TRPC6: variants seen among roughly 807,000 people sequenced by gnomAD.
The protein encoded by TRPC6 is short transient receptor potential channel 6.
Under a neutral mutation model 90.7 loss-of-function variants are expected in TRPC6, and 55 were observed. That is an observed-to-expected ratio of 0.61 (90% CI 0.49 to 0.76). TRPC6 has a LOEUF of 0.76. TRPC6 is among the 30% of genes least tolerant of loss of function. The pLI is 0.00. For synonymous variants in TRPC6, 393 were observed against 393.0 expected (o/e 1.00, Z 0.00); for missense variants, 989 against 1,122.7 (o/e 0.88, Z 1.70).
At chr11:101,537,497 T>C (rs1009430878) in intron 1 of TRPC6, among the ~76,000 whole-genome samples, 7 of 152,170 alleles carry the variant, frequency 4.6e-5, no homozygotes, top group African/African-American at 1.7e-4. Flanking sequence ...ATTCTATAAG[T>C]AACTACATCT....
At chr11:101,521,948 A>C (rs1265505852) in intron 1 of TRPC6, among the ~76,000 whole-genome samples, 1 of 152,158 alleles carries the variant, frequency 6.6e-6, no homozygotes, top group Non-Finnish European at 1.5e-5. Flanking sequence ...GGAAGTAAGT[A>C]ACTTTTTGTT....
chr11:101,491,389 G>C lies in TRPC6; in HGVS notation c.1128+167C>G, dbSNP rs928275576. 23 of 764,112 alleles carry C rather than the reference G, an allele frequency of 3.0e-5. No individual in the cohort carries two copies. In the East Asian group the frequency reaches 3.1e-4, roughly 10 times the overall value. The allele number at this position is 764,112 out of a possible 1,614,324, so 47.3% of individuals were successfully genotyped here. ...GCGGAGCTTGCAGTGAGCCGAGATC[G>C]CACCACTGCACTCCAGACTGGGCGA... On this transcript the variant is annotated intron_variant, in intron 3 of 12. Coordinates refer to ENST00000344327, the MANE Select transcript of TRPC6 (RefSeq NM_004621.6).
chr11:101,486,139 A>G (rs1483072047), intron 4 of TRPC6, among the ~76,000 whole-genome samples: 3 of 152,120 alleles, frequency 2.0e-5, no homozygotes, highest in African/African-American at 7.2e-5. Context: ...CTGGTTGCCT[A>G]GAAACTAAAA....
chr11:101,453,777 T>C, intron 11 of TRPC6, 52 bp from the exon 12 acceptor site: 2 of 1,551,468 alleles, frequency 1.3e-6, no homozygotes, highest in South Asian at 2.2e-5. Context: ...TCATGACAAA[T>C]CTCTCATTTG....
Position 101,473,610 on chromosome 11 carries a change from C to T in TRPC6, c.1908G>A (p.Lys636=), listed in dbSNP as rs1859343803. The part of the protein sequence containing the change: ...SLGRTVKDIF[K]FMVIFIMVFV... ...ACACCATAATGAATATGACCATGAA[C>T]TTGAAGATGTCTTTGACTGTTCTTC... Residue 636 remains lysine (K), a synonymous_variant, in exon 7 of 13, where the codon AAG becomes AAA. Coordinates refer to ENST00000344327, the MANE Select transcript of TRPC6 (RefSeq NM_004621.6). 2.5e-6 allele frequency: 4 copies of T among 1,613,788 alleles called. No homozygotes were observed. Among genetic ancestry groups the T allele is most frequent in the African/African-American group, 2.7e-5 (2 of 75,024 alleles).
intron 1 of TRPC6, among the ~76,000 whole-genome samples, chr11:101,534,847 T>C (rs547632825): frequency 8.1e-4 from 124 of 152,290 alleles, no homozygotes; most frequent in African/African-American, 2.9e-3. Flanking sequence ...CATATAAACC[T>C]GCAAGATTTA....
intron 5 of TRPC6, among the ~76,000 whole-genome samples, chr11:101,478,707 G>A (rs1241872986): frequency 6.6e-6 from 1 of 152,112 alleles, no homozygotes; most frequent in South Asian, 2.1e-4. Context: ...CAGGGATCAA[G>A]CCTCTGCTCG....
intron 10 of TRPC6, chr11:101,455,332 CTTTGTGG>C: frequency 2.2e-6 from 1 of 453,630 alleles, no homozygotes; most frequent in South Asian, 2.5e-5. Flanking sequence ...GTCTCTTAGA[CTTTGTGG>C]CTGCCAATCA....
intron 1 of TRPC6, among the ~76,000 whole-genome samples, chr11:101,582,067 TGGG>T (rs1044391449): frequency 1.3e-5 from 2 of 152,232 alleles, no homozygotes; most frequent in Non-Finnish European, 2.9e-5. Context: ...ACAAGTTAAA[TGGG>T]GGAATTACGT....
At position 101,473,459 on chromosome 11, in the gene TRPC6, T is replaced by A. The variant is rs753648977; in HGVS notation, c.2009+50A>T. On this transcript the variant is annotated intron_variant, in intron 7 of 12. Transcript: ENST00000344327. ...ACTTACATAAACGCTGTTAAACTAA[T>A]ATTTATTTAATTTGCAATAACTATC... 3.8e-6 allele frequency: 6 copies of A among 1,598,776 alleles called. No individual in the cohort carries two copies. In the South Asian group the frequency reaches 6.6e-5, roughly 18 times the overall value.
chr11:101,476,220 G>A (rs1419041751), intron 6 of TRPC6, 81 bp downstream of exon 6: 7 of 1,128,876 alleles, frequency 6.2e-6, no homozygotes, highest in Admixed American at 5.7e-5. Flanking sequence ...TGAGAATTGT[G>A]CAGTAACCGA....
chr11:101,556,724 A>AT (rs1397228555), intron 1 of TRPC6, among the ~76,000 whole-genome samples: 1 of 152,200 alleles, frequency 6.6e-6, no homozygotes, highest in Non-Finnish European at 1.5e-5. Context: ...CCCTACCCTG[A>AT]TACCAAAGCC....
chr11:101,508,202 A>C (rs563049792), intron 1 of TRPC6, among the ~76,000 whole-genome samples: 1 of 151,940 alleles, frequency 6.6e-6, no homozygotes, highest in African/African-American at 2.4e-5. Flanking sequence ...TTGCTTTTTT[A>C]TGTTTGTTTG....
At chr11:101,469,390 C>A in intron 10 of TRPC6, 37 bp downstream of exon 10, 1 of 747,966 alleles carries the variant, frequency 1.3e-6, no homozygotes, top group Non-Finnish European at 2.5e-6. Context: ...TAAGCCCGAT[C>A]ATGTGCATGA....
rs186837494 is a variant in TRPC6 at position 101,494,867 on chromosome 11, T to C, written c.946-3129A>G. On this transcript the variant is annotated intron_variant, in intron 2 of 12. Transcript: ENST00000344327. ...GAGAAAGAAAGAATAAGACTATGATTTCAGAAATACACACTTTTTCTACTT... is the reference window on the plus strand; with the variant it reads ...GAGAAAGAAAGAATAAGACTATGATCTCAGAAATACACACTTTTTCTACTT... 1.3e-3 allele frequency among the ~76,000 whole-genome samples: 192 copies of C among 152,320 alleles called. 1 individual carries two copies. Among genetic ancestry groups the C allele is most frequent in the African/African-American group, 4.2e-3 (175 of 41,580 alleles).
At chr11:101,565,914 T>G (rs1390727210) in intron 1 of TRPC6, among the ~76,000 whole-genome samples, 1 of 152,156 alleles carries the variant, frequency 6.6e-6, no homozygotes, top group Non-Finnish European at 1.5e-5. Context: ...ATTAAAACAT[T>G]TTTTAATCCC....
intron 1 of TRPC6, among the ~76,000 whole-genome samples, chr11:101,546,937 A>ATT (rs1310913645): frequency 6.6e-6 from 1 of 152,220 alleles, no homozygotes; most frequent in Non-Finnish European, 1.5e-5. Flanking sequence ...GGTGAACAAA[A>ATT]TAAGCAAGAA....
At chr11:101,481,583 C>A (rs1398925308) in intron 5 of TRPC6, among the ~76,000 whole-genome samples, 3 of 152,144 alleles carry the variant, frequency 2.0e-5, no homozygotes, top group Non-Finnish European at 4.4e-5. Context: ...TAGTCACTAC[C>A]TGCTGATCCA....
chr11:101,469,567 T>C (rs1214416120), intron 9 of TRPC6, 66 bp from the exon 10 acceptor site: 9 of 681,826 alleles, frequency 1.3e-5, no homozygotes, highest in Non-Finnish European at 2.4e-5. Flanking sequence ...TTCTGTATTT[T>C]AAAAGCCATT....
Sources: gnomAD v4.1 joint callset for allele counts (sites outside exome capture counted in the v4.1 genomes callset) on GRCh38, gnomAD v4.1.1 for gene constraint, MANE v1.5 for transcripts, NCBI Gene and HGNC (gene_info 2026-07-23, HGNC 2026-07-21) for gene names.